KCNH5: variants seen among roughly 807,000 people sequenced by gnomAD.
The protein encoded by KCNH5 is voltage-gated delayed rectifier potassium channel KCNH5.
A neutral mutation model predicts 96.1 loss-of-function variants in KCNH5; 46 were observed. That is an observed-to-expected ratio of 0.48 (90% CI 0.38 to 0.61). The LOEUF (loss-of-function observed/expected upper bound fraction) is 0.61, where lower values mean the gene tolerates loss of function less well. Among genes scored for constraint, KCNH5 ranks in the 20% least tolerant of loss-of-function variants. The pLI, the probability that KCNH5 is intolerant of heterozygous loss-of-function variation, is 0.00. For missense variants in KCNH5, 907 were observed against 1,225.8 expected, an observed-to-expected ratio of 0.74 and a Z score of 3.88; for synonymous variants, 439 against 449.8, an observed-to-expected ratio of 0.98 and a Z score of 0.30.
chr14:62,795,410 A>G (rs1039633263), intron 9 of KCNH5, among the ~76,000 whole-genome samples: 1 of 152,204 alleles, frequency 6.6e-6, no homozygotes, highest in Non-Finnish European at 1.5e-5. Flanking sequence ...CTAAATGTGT[A>G]CAGATATTTT....
At chr14:63,020,519 A>G (rs1342911561) in intron 1 of KCNH5, among the ~76,000 whole-genome samples, 1 of 152,128 alleles carries the variant, frequency 6.6e-6, no homozygotes, top group Admixed American at 6.6e-5. Context: ...ATGACTCAAA[A>G]ACATTATAAA....
intron 8 of KCNH5, among the ~76,000 whole-genome samples, chr14:62,806,125 A>T (rs367832206): frequency 6.6e-5 from 10 of 152,170 alleles, no homozygotes; most frequent in African/African-American, 2.4e-4. Flanking sequence ...CACTCCCATC[A>T]GCGCCATGAC....
intron 7 of KCNH5, among the ~76,000 whole-genome samples, chr14:62,947,234 T>G (rs1286681046): frequency 1.3e-5 from 2 of 152,202 alleles, no homozygotes; most frequent in Non-Finnish European, 2.9e-5. Context: ...TAAGGCAAAA[T>G]GTATAAATAT....
chr14:62,757,922 G>A (rs946876835), intron 10 of KCNH5, among the ~76,000 whole-genome samples: 6 of 152,096 alleles, frequency 3.9e-5, no homozygotes, highest in African/African-American at 1.4e-4. Context: ...ACGGTGGGTG[G>A]ATCACCTGAG....
intron 7 of KCNH5, among the ~76,000 whole-genome samples, chr14:62,934,829 T>C (rs1347232344): frequency 6.6e-6 from 1 of 152,188 alleles, no homozygotes; most frequent in African/African-American, 2.4e-5. Flanking sequence ...TGTTTTGTTT[T>C]CACTTTAAAA....
chr14:62,962,223 C>A (rs150663460), intron 6 of KCNH5, among the ~76,000 whole-genome samples: 2 of 152,212 alleles, frequency 1.3e-5, no homozygotes, highest in Non-Finnish European at 2.9e-5. Context: ...TCAAATACAA[C>A]CTCCTTGTTT....
At chr14:63,006,340 A>G (rs781423510) in intron 3 of KCNH5, 26 bp downstream of exon 3, 2 of 1,348,530 alleles carry the variant, frequency 1.5e-6, no homozygotes, top group Non-Finnish European at 2.1e-6. Context: ...GAGTTGGCAC[A>G]TCTTATTAAT....
intron 7 of KCNH5, among the ~76,000 whole-genome samples, chr14:62,871,550 T>TA (rs1380106307): frequency 6.6e-6 from 1 of 152,186 alleles, no homozygotes; most frequent in Non-Finnish European, 1.5e-5. Flanking sequence ...GAGATATGTC[T>TA]AAAACAATAG....
At chr14:63,004,834 G>T (rs1000383270) in intron 3 of KCNH5, among the ~76,000 whole-genome samples, 6 of 152,188 alleles carry the variant, frequency 3.9e-5, no homozygotes, top group African/African-American at 1.4e-4. Flanking sequence ...TATTTTTTGA[G>T]AAACTCAGGA....
intron 8 of KCNH5, among the ~76,000 whole-genome samples, chr14:62,840,557 C>CTTTTCTTTCTTTTTTTTTTTTTTTTT (rs1887558886): frequency 1.8e-5 from 2 of 108,738 alleles, no homozygotes; most frequent in East Asian, 3.3e-4. Context: ...TTTCTTTTTT[C>CTTTTCTTTCTTTTTTTTTTTTTTTTT]TTTTTTTTCT....
In KCNH5 at chr14:62,881,300, T is replaced by C. The variant is rs372153978; in HGVS notation, c.1370-31448A>G. On this transcript the variant is annotated intron_variant, in intron 7 of 10. Transcript: ENST00000322893. The stretch of plus-strand genomic sequence containing the variant: ...AAGATTTTCATGGAAAACCTCACCA[T>C]TTATAAACCCTCATTATAAGAATGT... Among the ~76,000 whole-genome samples the C allele has an allele frequency of 1.8e-4, 27 of 152,328 alleles. No individual in the cohort carries two copies. In the East Asian group the frequency reaches 2.3e-3, roughly 13 times the overall value.
intron 3 of KCNH5, among the ~76,000 whole-genome samples, chr14:63,003,096 A>G (rs764073872): frequency 2.6e-5 from 4 of 152,178 alleles, no homozygotes; most frequent in Admixed American, 6.6e-5. Context: ...AGAAATCTGA[A>G]CAGAAAGAGA....
chr14:62,880,185 C>T (rs1888464136), intron 7 of KCNH5, among the ~76,000 whole-genome samples: 1 of 152,106 alleles, frequency 6.6e-6, no homozygotes, highest in South Asian at 2.1e-4. Context: ...TCTTTATTAG[C>T]AACCATTACA....
At chr14:62,958,172 G>A (rs954905483) in intron 6 of KCNH5, among the ~76,000 whole-genome samples, 1 of 152,148 alleles carries the variant, frequency 6.6e-6, no homozygotes, top group Non-Finnish European at 1.5e-5. Context: ...ATTGTTGGGT[G>A]TTATTTATCT....
intron 8 of KCNH5, among the ~76,000 whole-genome samples, chr14:62,847,001 A>C (rs1336556546): frequency 1.2e-4 from 18 of 148,754 alleles, no homozygotes; most frequent in Admixed American, 5.4e-4. Flanking sequence ...AGAGTTTCAC[A>C]GTGTTAGCCA....
At chr14:63,003,423 G>A (rs1309945186) in intron 3 of KCNH5, among the ~76,000 whole-genome samples, 2 of 121,856 alleles carry the variant, frequency 1.6e-5, no homozygotes. Flanking sequence ...CTGCATTTGA[G>A]TACACAGAAA....
intron 7 of KCNH5, among the ~76,000 whole-genome samples, chr14:62,934,683 A>G (rs1251738325): frequency 6.6e-6 from 1 of 152,204 alleles, no homozygotes; most frequent in Non-Finnish European, 1.5e-5. Context: ...GAACAAAGAA[A>G]GCAGCTTAGC....
At chr14:62,907,371 A>G (rs1349590540) in intron 7 of KCNH5, among the ~76,000 whole-genome samples, 1 of 152,230 alleles carries the variant, frequency 6.6e-6, no homozygotes, top group African/African-American at 2.4e-5. Flanking sequence ...CTGTCACTCT[A>G]TCAGAGAAGA....
At chr14:62,836,065 A>T (rs923924433) in intron 8 of KCNH5, among the ~76,000 whole-genome samples, 1 of 152,036 alleles carries the variant, frequency 6.6e-6, no homozygotes, top group African/African-American at 2.4e-5. Context: ...CCTATTATTA[A>T]TATATTCACT....
Sources: gnomAD v4.1 joint callset for allele counts (sites outside exome capture counted in the v4.1 genomes callset) on GRCh38, gnomAD v4.1.1 for gene constraint, MANE v1.5 for transcripts, NCBI Gene and HGNC (gene_info 2026-07-23, HGNC 2026-07-21) for gene names.